GLCCI1: variants seen among roughly 807,000 people sequenced by gnomAD.
The protein encoded by GLCCI1 is glucocorticoid induced 1, also known as glucocorticoid-induced transcript 1 protein.
In GLCCI1, 24 loss-of-function variants were observed where a neutral mutation model predicts 52.2. The observed-to-expected ratio is 0.46, with a 90% CI of 0.33 to 0.65. The LOEUF is 0.65. GLCCI1 is among the 30% of genes least tolerant of loss of function. GLCCI1 has a pLI of 0.02. For synonymous variants in GLCCI1, 310 were observed against 276.5 expected (o/e 1.12, Z -1.20); for missense variants, 704 against 701.5 (o/e 1.00, Z -0.04).
At chr7:7,971,359 A>G (rs749322945) in intron 1 of GLCCI1, among the ~76,000 whole-genome samples, 18 of 152,204 alleles carry the variant, frequency 1.2e-4, no homozygotes, top group Non-Finnish European at 2.1e-4. Flanking sequence ...GCCATATGCA[A>G]CTCCTTTGCA....
intron 6 of GLCCI1, among the ~76,000 whole-genome samples, chr7:8,083,347 G>A (rs1296712151): frequency 1.3e-5 from 2 of 151,908 alleles, no homozygotes; most frequent in Non-Finnish European, 2.9e-5. Flanking sequence ...CACCAAATTT[G>A]AGGCCTTATT....
intron 1 of GLCCI1, among the ~76,000 whole-genome samples, chr7:7,985,798 C>T (rs1026477435): frequency 6.6e-6 from 1 of 152,118 alleles, no homozygotes; most frequent in African/African-American, 2.4e-5. Context: ...GAATGGCAAT[C>T]CTGTTATCTG....
intron 2 of GLCCI1, among the ~76,000 whole-genome samples, chr7:8,006,168 G>A (rs564605342): frequency 6.6e-6 from 1 of 152,300 alleles, no homozygotes; most frequent in East Asian, 1.9e-4. Context: ...AGAGCGAAAG[G>A]CTAAGTGAAA....
intron 6 of GLCCI1, among the ~76,000 whole-genome samples, chr7:8,081,230 C>T (rs984181785): frequency 1.3e-5 from 2 of 152,154 alleles, no homozygotes; most frequent in African/African-American, 2.4e-5. Context: ...GGCTCCTCCC[C>T]AGACTAATTA....
intron 2 of GLCCI1, among the ~76,000 whole-genome samples, chr7:8,021,270 T>C (rs1010727119): frequency 2.0e-5 from 3 of 152,234 alleles, no homozygotes; most frequent in African/African-American, 7.2e-5. Flanking sequence ...GATACCTTTT[T>C]CAGCATGTAT....
intron 1 of GLCCI1, among the ~76,000 whole-genome samples, chr7:7,989,622 G>A (rs946812136): frequency 1.3e-5 from 2 of 151,962 alleles, no homozygotes; most frequent in African/African-American, 4.8e-5. Context: ...CATGCCAGGC[G>A]ATTTTAAATT....
At chr7:8,049,051 C>A (rs1446524311) in intron 3 of GLCCI1, among the ~76,000 whole-genome samples, 1 of 152,120 alleles carries the variant, frequency 6.6e-6, no homozygotes, top group African/African-American at 2.4e-5. Context: ...TTCTTTAAGG[C>A]ACTCAGTGGA....
intron 1 of GLCCI1, among the ~76,000 whole-genome samples, chr7:7,991,707 T>C (rs1780841182): frequency 6.6e-6 from 1 of 152,090 alleles, no homozygotes; most frequent in South Asian, 2.1e-4. Flanking sequence ...GCTTCTATCT[T>C]TTCTACATGG....
chr7:7,977,015 C>G (rs1166844532), intron 1 of GLCCI1, among the ~76,000 whole-genome samples: 2 of 151,900 alleles, frequency 1.3e-5, no homozygotes, highest in African/African-American at 2.4e-5. Context: ...TCTAGTGTTA[C>G]TGAAGATCAA....
At position 8,084,995 on chromosome 7, in the gene GLCCI1, G is replaced by A; in HGVS notation, c.1276G>A (p.Val426Met). 6.2e-7 allele frequency: 1 copy of A among 1,614,126 alleles called. No individual in the cohort carries two copies. The highest frequency in any genetic ancestry group is 8.5e-7 in the Non-Finnish European group (1 of 1,180,002). The change falls in exon 7 of 8, where the codon GTG becomes ATG. Residue 426 changes from valine (V) to methionine (M), a missense_variant. Coordinates refer to ENST00000223145, the MANE Select transcript of GLCCI1 (RefSeq NM_138426.4). ...GGAGCCCCCAGAGGGATGTGAGCGA[G>A]TGAAGGTCTTTGAGGAAATGGCGTA... Reference protein sequence around the residue: ...KREPPEGCERVKVFEEMASRQ... With the variant: ...KREPPEGCERMKVFEEMASRQ...
intron 1 of GLCCI1, among the ~76,000 whole-genome samples, chr7:8,001,439 A>C (rs2115424818): frequency 6.6e-6 from 1 of 152,342 alleles, no homozygotes; most frequent in African/African-American, 2.4e-5. Context: ...GGCAATCATT[A>C]AAAAGTCAGA....
At chr7:7,983,097 G>A (rs879787749) in intron 1 of GLCCI1, among the ~76,000 whole-genome samples, 2 of 152,132 alleles carry the variant, frequency 1.3e-5, no homozygotes, top group Non-Finnish European at 2.9e-5. Context: ...TGAAGTACGT[G>A]TTGTAGTTAA....
intron 3 of GLCCI1, among the ~76,000 whole-genome samples, chr7:8,023,206 A>G (rs989845749): frequency 1.3e-5 from 2 of 152,032 alleles, no homozygotes; most frequent in African/African-American, 2.4e-5. Context: ...TAGTAGATAC[A>G]CGGTTTCACT....
intron 2 of GLCCI1, among the ~76,000 whole-genome samples, chr7:8,014,599 C>T (rs1781338930): frequency 6.6e-6 from 1 of 152,134 alleles, no homozygotes; most frequent in African/African-American, 2.4e-5. Flanking sequence ...AGATTTCCTT[C>T]CTCTGTGCTC....
At chr7:8,081,758 G>A (rs942884677) in intron 6 of GLCCI1, among the ~76,000 whole-genome samples, 2 of 152,054 alleles carry the variant, frequency 1.3e-5, no homozygotes, top group Non-Finnish European at 2.9e-5. Flanking sequence ...GAAGCTACTC[G>A]TATTTTAATG....
At chr7:8,081,428 G>A (rs1782991277) in intron 6 of GLCCI1, among the ~76,000 whole-genome samples, 1 of 152,142 alleles carries the variant, frequency 6.6e-6, no homozygotes. Context: ...GGCTAGAATA[G>A]AACCATGGCA....
intron 3 of GLCCI1, among the ~76,000 whole-genome samples, chr7:8,054,773 T>C (rs1782347529): frequency 6.6e-6 from 1 of 152,062 alleles, no homozygotes; most frequent in Non-Finnish European, 1.5e-5. Context: ...ACCTAAAATA[T>C]GTAAGTAGTT....
intron 6 of GLCCI1, chr7:8,078,874 A>G (rs1227657035): frequency 6.6e-6 from 1 of 152,238 alleles, no homozygotes; most frequent in Non-Finnish European, 1.5e-5. Flanking sequence ...CTTTAAGGTG[A>G]CTATAATGAT....
In GLCCI1 at chr7:7,984,194, A is replaced by C. The variant is rs1780676390; in HGVS notation, c.457+14387A>C. Among the ~76,000 whole-genome samples, 3 of 152,042 alleles carry C rather than the reference A, an allele frequency of 2.0e-5. No individual in the cohort carries two copies. In the South Asian group the frequency reaches 6.2e-4, roughly 32 times the overall value. ...TCCCATTTTAGCCTCTGGAGTATCCAGGACCACAGGCATGTGCCACCACAC... is the reference window on the plus strand; with the variant it reads ...TCCCATTTTAGCCTCTGGAGTATCCCGGACCACAGGCATGTGCCACCACAC... On this transcript the variant is annotated intron_variant, in intron 1 of 7. Transcript: ENST00000223145.
Sources: gnomAD v4.1 joint callset for allele counts (sites outside exome capture counted in the v4.1 genomes callset) on GRCh38, gnomAD v4.1.1 for gene constraint, MANE v1.5 for transcripts, NCBI Gene and HGNC (gene_info 2026-07-23, HGNC 2026-07-21) for gene names.